NINL: variants seen among roughly 807,000 people sequenced by gnomAD.
NINL encodes the protein ninein-like protein.
Under a neutral mutation model 160.3 loss-of-function variants are expected in NINL, and 153 were observed. The ratio of observed to expected loss-of-function variants is 0.95; its 90% CI spans 0.84 to 1.09. The LOEUF is 1.09. Among genes scored for constraint, NINL ranks in the 50% least tolerant of loss-of-function variants. The pLI, the probability that NINL is intolerant of heterozygous loss-of-function variation, is 0.00. For synonymous variants in NINL, 800 were observed against 734.8 expected (o/e 1.09, Z -1.43); for missense variants, 1,829 against 1,764.0 (o/e 1.04, Z -0.66).
chr20:25,494,655 T>C (rs1184145233), intron 10 of NINL, among the ~76,000 whole-genome samples: 1 of 152,182 alleles, frequency 6.6e-6, no homozygotes, highest in African/African-American at 2.4e-5. Flanking sequence ...CCACCCCCTA[T>C]GGACTGAACC....
intron 8 of NINL, among the ~76,000 whole-genome samples, chr20:25,498,735 T>C (rs1353339456): frequency 6.6e-6 from 1 of 152,210 alleles, no homozygotes; most frequent in East Asian, 1.9e-4. Context: ...GCCTTGGGAT[T>C]CCCTGCGATG....
chr20:25,527,981 C>T (rs6050663), intron 1 of NINL, among the ~76,000 whole-genome samples: 15,137 of 152,180 alleles, frequency 0.099, 1,272 homozygotes, highest in African/African-American at 0.23. Context: ...TGTCAAATTA[C>T]TGTGTATTTA....
At position 25,491,521 on chromosome 20, in the gene NINL, G is replaced by C; in HGVS notation, c.1315C>G (p.Leu439Val). ...EQLTEKKIKHLEQGYRERLSL... is the reference protein window; with the variant it reads ...EQLTEKKIKHVEQGYRERLSL... Reference sequence around the variant, plus strand: ...AGCCTTTCCCGGTACCCCTGCTCCAGATGCCTGTAACATGTCACACATCAC... The same window carrying C: ...AGCCTTTCCCGGTACCCCTGCTCCACATGCCTGTAACATGTCACACATCAC... The change falls in exon 11 of 24, where the codon CTG (leucine) becomes GTG (valine). Residue 439 changes from leucine (L) to valine (V), a missense_variant. By Grantham distance (32) the Leu-to-Val change is conservative (BLOSUM62 1). Coordinates refer to ENST00000278886, the MANE Select transcript of NINL (RefSeq NM_025176.6). 1.2e-6 allele frequency: 2 copies of C among 1,613,554 alleles called. No homozygotes were observed. The highest frequency in any genetic ancestry group is 1.7e-6 in the Non-Finnish European group (2 of 1,179,710).
At chr20:25,469,127 G>A (rs1178995844) in intron 18 of NINL, among the ~76,000 whole-genome samples, 1 of 131,794 alleles carries the variant, frequency 7.6e-6, no homozygotes, top group Non-Finnish European at 1.6e-5. Flanking sequence ...CCTGTCCCCT[G>A]ACTCTCACTG....
At chr20:25,475,650 T>C (rs1048273087) in intron 17 of NINL, among the ~76,000 whole-genome samples, 4 of 152,194 alleles carry the variant, frequency 2.6e-5, no homozygotes, top group Non-Finnish European at 5.9e-5. Context: ...GGCGGGCAGA[T>C]CACCTTTGAG....
At chr20:25,550,359 C>T (rs2064791847) in intron 1 of NINL, among the ~76,000 whole-genome samples, 2 of 152,234 alleles carry the variant, frequency 1.3e-5, no homozygotes, top group African/African-American at 4.8e-5. Flanking sequence ...GGGCCTGCCC[C>T]TCCACACCTG....
At chr20:25,480,091 T>A in intron 15 of NINL, 70 bp downstream of exon 15, 1 of 1,098,960 alleles carries the variant, frequency 9.1e-7, no homozygotes. Context: ...AATGTCAGCG[T>A]GCCCAAGTAA....
At chr20:25,560,786 C>T (rs2064924746) in intron 1 of NINL, among the ~76,000 whole-genome samples, 1 of 152,146 alleles carries the variant, frequency 6.6e-6, no homozygotes, top group South Asian at 2.1e-4. Flanking sequence ...AGGAAGGAGG[C>T]AGCATCTGAG....
chr20:25,467,801 A>G (rs1418311961), intron 18 of NINL, among the ~76,000 whole-genome samples: 1 of 152,200 alleles, frequency 6.6e-6, no homozygotes, highest in Non-Finnish European at 1.5e-5. Flanking sequence ...CTTTTGTAAA[A>G]CACATAACAC....
intron 4 of NINL, among the ~76,000 whole-genome samples, chr20:25,511,370 G>A (rs1044477373): frequency 5.3e-5 from 8 of 152,088 alleles, no homozygotes; most frequent in African/African-American, 1.7e-4. Flanking sequence ...AGAAACACGC[G>A]ACTTAAGTAA....
rs879110259 is a variant in NINL, at chr20:25,517,888, C to T, written c.181-39G>A. 6 of 1,309,306 alleles carry T rather than the reference C, an allele frequency of 4.6e-6. No individual in the cohort carries two copies. In the South Asian group the frequency reaches 5.3e-5, roughly 11 times the overall value. 81.1% of individuals were successfully genotyped at this position (1,309,306 alleles called of 1,614,324 possible). ...AGGTGAGAGAGGACAATGTCACTTT[C>T]AACAGATCACACAATTCAAAAGTGA... On this transcript the variant is annotated intron_variant, in intron 2 of 23. Coordinates refer to ENST00000278886, the MANE Select transcript of NINL (RefSeq NM_025176.6).
At chr20:25,537,281 C>T (rs990677937) in intron 1 of NINL, among the ~76,000 whole-genome samples, 2 of 151,960 alleles carry the variant, frequency 1.3e-5, no homozygotes, top group Non-Finnish European at 2.9e-5. Flanking sequence ...TGCAGCTTCC[C>T]TATGTTACCC....
intron 10 of NINL, among the ~76,000 whole-genome samples, chr20:25,495,548 C>T (rs776495224): frequency 6.6e-6 from 1 of 152,164 alleles, no homozygotes; most frequent in Non-Finnish European, 1.5e-5. Context: ...GGCAGACCTC[C>T]CGAGCCAGCA....
At chr20:25,553,802 C>A (rs902770697) in intron 1 of NINL, among the ~76,000 whole-genome samples, 2 of 152,234 alleles carry the variant, frequency 1.3e-5, no homozygotes, top group African/African-American at 2.4e-5. Context: ...ATGGAGGTGA[C>A]TCCGTTTCCT....
chr20:25,555,431 G>A (rs1188948177), intron 1 of NINL, among the ~76,000 whole-genome samples: 4 of 152,162 alleles, frequency 2.6e-5, no homozygotes, highest in Non-Finnish European at 5.9e-5. Context: ...GTAGATAAAT[G>A]AGAATTTTAA....
intron 9 of NINL, 128 bp downstream of exon 9, chr20:25,498,082 G>A: frequency 8.7e-7 from 1 of 1,149,960 alleles, no homozygotes; most frequent in Non-Finnish European, 1.2e-6. Context: ...AGTGTGCAGA[G>A]CCCTGCCCCA....
chr20:25,537,172 C>G (rs938820829), intron 1 of NINL, among the ~76,000 whole-genome samples: 1 of 152,136 alleles, frequency 6.6e-6, no homozygotes, highest in African/African-American at 2.4e-5. Context: ...CATCCTCAAC[C>G]TCCTGGGCTC....
In NINL at chr20:25,453,424, G is replaced by T. The variant is rs371309830; in HGVS notation, c.*27C>A. The T allele has an allele frequency of 6.4e-7, 1 of 1,562,866 alleles. No homozygotes were observed. Among genetic ancestry groups the T allele is most frequent in the Non-Finnish European group, 8.7e-7 (1 of 1,150,286 alleles). On this transcript the variant is annotated 3_prime_UTR_variant, in exon 24 of 24. Coordinates refer to ENST00000278886, the MANE Select transcript of NINL (RefSeq NM_025176.6). ...GGCTTAATTTAAAAGATGTGCTTTC[G>T]AATGAATCCTAGAAAATAATCTGTC... is the stretch of plus-strand genomic sequence containing the variant.
intron 19 of NINL, among the ~76,000 whole-genome samples, chr20:25,463,450 T>C (rs1032823533): frequency 6.6e-6 from 1 of 152,180 alleles, no homozygotes; most frequent in Non-Finnish European, 1.5e-5. Flanking sequence ...TATGTTTTGC[T>C]TTTTCTCAAT....
Sources: gnomAD v4.1 joint callset for allele counts (sites outside exome capture counted in the v4.1 genomes callset) on GRCh38, gnomAD v4.1.1 for gene constraint, MANE v1.5 for transcripts, NCBI Gene and HGNC (gene_info 2026-07-23, HGNC 2026-07-21) for gene names.